Variants in CAMK2A observed in about 807,000 individuals in gnomAD.
CAMK2A encodes the protein calcium/calmodulin-dependent protein kinase type II subunit alpha.
Under a neutral mutation model 79.2 loss-of-function variants are expected in CAMK2A, and 7 were observed. That is an observed-to-expected ratio of 0.09 (90% CI 0.05 to 0.17). The LOEUF (loss-of-function observed/expected upper bound fraction) is 0.17, where lower values mean the gene tolerates loss of function less well. Among genes scored for constraint, CAMK2A ranks in the 10% least tolerant of loss-of-function variants. The pLI is 1.00. For synonymous variants in CAMK2A, 242 were observed against 251.7 expected (o/e 0.96, Z 0.36); for missense variants, 214 against 646.4 (o/e 0.33, Z 7.25).
At chr5:150,277,295 A>G (rs1359526916) in intron 1 of CAMK2A, among the ~76,000 whole-genome samples, 1 of 152,180 alleles carries the variant, frequency 6.6e-6, no homozygotes, top group African/African-American at 2.4e-5. Flanking sequence ...GGGAATTTGT[A>G]ATTTCATTTT....
intron 17 of CAMK2A, among the ~76,000 whole-genome samples, chr5:150,227,098 T>C (rs902350166): frequency 1.3e-5 from 2 of 152,162 alleles, no homozygotes; most frequent in African/African-American, 2.4e-5. Flanking sequence ...AGAAAACTTA[T>C]TGACATAGTC....
chr5:150,278,625 G>T (rs1250078694), intron 1 of CAMK2A, among the ~76,000 whole-genome samples: 2 of 152,124 alleles, frequency 1.3e-5, no homozygotes, highest in African/African-American at 4.8e-5. Flanking sequence ...AAGGGATGAG[G>T]CCTGGGTGTG....
rs912259502 is a variant in CAMK2A, at chr5:150,220,919, C to T, written c.*1791G>A. 3 of 152,322 alleles carry T rather than the reference C, an allele frequency of 2.0e-5. No homozygotes were observed. The highest frequency in any genetic ancestry group is 2.9e-5 in the Non-Finnish European group (2 of 68,046). The allele number at this position is 152,322 out of a possible 1,614,324, so 9.4% of individuals were successfully genotyped here. A position where few individuals can be genotyped will look rare whatever the true frequency, so the allele number is the denominator to read the frequency against. ...CTCAGAAAATCTCGGATCAAACATC[C>T]TCACCAGTTCTGCTCCAACCAACAC... On this transcript the variant is annotated 3_prime_UTR_variant, in exon 19 of 19. Coordinates refer to ENST00000671881, the MANE Select transcript of CAMK2A (RefSeq NM_015981.4).
chr5:150,226,732 CA>C (rs1169994426), intron 17 of CAMK2A, among the ~76,000 whole-genome samples: 9 of 15,628 alleles, frequency 5.8e-4, no homozygotes, highest in African/African-American at 8.8e-4. Context: ...GAGACTCAGT[CA>C]AAAAAAAAAA....
In CAMK2A at chr5:150,264,478, G is replaced by T. The variant is rs1211034564; in HGVS notation, c.217+478C>A. Reference sequence around the variant, plus strand: ...TGCTGCCCTGGCTCTGTCCCAGCCTGCCATGGCCCAGCCTCTCCATGCAGC... The same window carrying T: ...TGCTGCCCTGGCTCTGTCCCAGCCTTCCATGGCCCAGCCTCTCCATGCAGC... On this transcript the variant is annotated intron_variant, in intron 3 of 18. Transcript: ENST00000671881. Among the ~76,000 whole-genome samples the T allele has an allele frequency of 1.2e-4, 19 of 152,238 alleles. 1 individual carries two copies.
chr5:150,240,263 T>C (rs566388438), intron 13 of CAMK2A, among the ~76,000 whole-genome samples: 8 of 152,150 alleles, frequency 5.3e-5, no homozygotes, highest in African/African-American at 1.9e-4. Flanking sequence ...CTCTGAGGAG[T>C]TTGATAACTA....
rs1477843907 is a variant in CAMK2A at position 150,257,618 on chromosome 5, C to G, written c.218-1G>C. The G allele has an allele frequency of 6.4e-7, 1 of 1,566,842 alleles. No individual in the cohort carries two copies. Among genetic ancestry groups the G allele is most frequent in the Admixed American group, 1.9e-5 (1 of 53,426 alleles). On this transcript the variant is annotated splice_acceptor_variant, in intron 3 of 18. Coordinates refer to ENST00000671881, the MANE Select transcript of CAMK2A (RefSeq NM_015981.4). LOFTEE classifies it high-confidence loss of function. ...TCTGAGATGCTGTCATGTAGTCGGA[C>G]TGTGGGCGGGGCAAGGCAGTTGGTT...
rs970309304 is a variant in CAMK2A, at chr5:150,221,541, G to A, written c.*1169C>T. On this transcript the variant is annotated 3_prime_UTR_variant, in exon 19 of 19. Transcript: ENST00000671881. Reference sequence around the variant, plus strand: ...GCGAGGGAAGCAAAGAAAAGTCCAGGTATTTCCATCCTGACAGCCTCCCTC... The same window carrying A: ...GCGAGGGAAGCAAAGAAAAGTCCAGATATTTCCATCCTGACAGCCTCCCTC... 4 of 398,682 alleles carry A rather than the reference G, an allele frequency of 1.0e-5. No homozygotes were observed. The highest frequency in any genetic ancestry group is 1.3e-4 in the South Asian group (1 of 7,844). The allele number at this position is 398,682 out of a possible 1,614,324, so 24.7% of individuals were successfully genotyped here. A position where few individuals can be genotyped will look rare whatever the true frequency, so the allele number is the denominator to read the frequency against.
chr5:150,276,163 TTG>T (rs1756936290), intron 1 of CAMK2A, among the ~76,000 whole-genome samples: 1 of 152,156 alleles, frequency 6.6e-6, no homozygotes, highest in Non-Finnish European at 1.5e-5. Flanking sequence ...TTACAAGGGT[TTG>T]GGGAGCTCTG....
At chr5:150,255,699 G>C (rs1756026091) in intron 6 of CAMK2A, among the ~76,000 whole-genome samples, 1 of 152,226 alleles carries the variant, frequency 6.6e-6, no homozygotes, top group Non-Finnish European at 1.5e-5. Flanking sequence ...GAGGTTTGAT[G>C]GACATCTGGC....
chr5:150,262,350 T>C (rs1756336420), intron 3 of CAMK2A, among the ~76,000 whole-genome samples: 1 of 152,186 alleles, frequency 6.6e-6, no homozygotes, highest in Admixed American at 6.5e-5. Context: ...CATCTGTACC[T>C]CTTTGCACGT....
chr5:150,236,304 A>G (rs1482418030), intron 15 of CAMK2A, among the ~76,000 whole-genome samples: 1 of 152,226 alleles, frequency 6.6e-6, no homozygotes, highest in Non-Finnish European at 1.5e-5. Flanking sequence ...TTTGTCTTAA[A>G]ATAATCTTTG....
chr5:150,249,554 T>C (rs74530280), intron 11 of CAMK2A, among the ~76,000 whole-genome samples: 5 of 30,014 alleles, frequency 1.7e-4, no homozygotes, highest in Non-Finnish European at 2.7e-4. Context: ...CTTTTTTTTG[T>C]TTTTTTTTTT....
intron 6 of CAMK2A, among the ~76,000 whole-genome samples, chr5:150,254,670 G>A (rs2150283113): frequency 6.6e-6 from 1 of 152,298 alleles, no homozygotes; most frequent in East Asian, 1.9e-4. Flanking sequence ...CGCTAAGACT[G>A]TGGGCTCGCT....
At chr5:150,274,253 G>T (rs1211525120) in intron 1 of CAMK2A, among the ~76,000 whole-genome samples, 3 of 152,186 alleles carry the variant, frequency 2.0e-5, no homozygotes, top group Non-Finnish European at 4.4e-5. Context: ...AAGAGAACTT[G>T]GGGCAAGGTC....
At chr5:150,273,692 C>T (rs1023278317) in intron 1 of CAMK2A, among the ~76,000 whole-genome samples, 4 of 152,156 alleles carry the variant, frequency 2.6e-5, no homozygotes, top group South Asian at 2.1e-4. Flanking sequence ...GAGTTCTCCA[C>T]CTTCCTTTTT....
chr5:150,268,311 A>G (rs1756600788), intron 2 of CAMK2A, among the ~76,000 whole-genome samples: 1 of 152,154 alleles, frequency 6.6e-6, no homozygotes, highest in Non-Finnish European at 1.5e-5. Flanking sequence ...CTCCAGCCAC[A>G]CTGGCCTCCT....
intron 1 of CAMK2A, among the ~76,000 whole-genome samples, chr5:150,277,910 G>A (rs546074032): frequency 4.1e-4 from 63 of 152,266 alleles, no homozygotes; most frequent in African/African-American, 1.1e-3. Context: ...AAGTGAGCAG[G>A]CATATTCTTA....
chr5:150,273,041 G>A (rs2150301991), intron 2 of CAMK2A, 24 bp downstream of exon 2: 2 of 1,578,566 alleles, frequency 1.3e-6, no homozygotes, highest in East Asian at 2.2e-5. Context: ...TGGAGGGTGG[G>A]CAGGGTAGAA....
Sources: allele counts gnomAD v4.1 joint callset (sites outside exome capture counted in the v4.1 genomes callset), GRCh38; gene constraint gnomAD v4.1.1; transcripts MANE v1.5; gene names NCBI Gene and HGNC (gene_info 2026-07-23, HGNC 2026-07-21).